HBS1L: variants seen among roughly 807,000 people sequenced by gnomAD.
HBS1L encodes the protein HBS1 like translational GTPase, also known as HBS1-like protein.
A neutral mutation model predicts 88.9 loss-of-function variants in HBS1L; 55 were observed. That is an observed-to-expected ratio of 0.62 (90% confidence interval 0.50 to 0.77). HBS1L has a LOEUF of 0.77. Ranked by LOEUF, HBS1L falls within the 30% of genes least tolerant of loss-of-function variation. The pLI is 0.00. For synonymous variants in HBS1L, 267 were observed against 288.5 expected (o/e 0.93, Z 0.76); for missense variants, 741 against 829.3 (o/e 0.89, Z 1.31).
rs1218516850 is a variant in HBS1L, at chr6:135,037,793, G to C, written c.430+1780C>G. On this transcript the variant is annotated intron_variant, in intron 4 of 17. Coordinates refer to ENST00000367837, the MANE Select transcript of HBS1L (RefSeq NM_006620.4). ...TCATGAATTAGGTTAGCTAGTGAAA[G>C]TTCTTTTGTTAACTTACATGATTCT... 4 of 1,548,446 alleles carry C rather than the reference G, an allele frequency of 2.6e-6. No individual in the cohort carries two copies. The African/African-American group carries it at 5.5e-5, about 21-fold the overall frequency.
chr6:135,052,061 A>G (rs1252746925), intron 1 of HBS1L, among the ~76,000 whole-genome samples: 5 of 152,208 alleles, frequency 3.3e-5, no homozygotes, highest in Admixed American at 2.6e-4. Flanking sequence ...CCCCATTAAT[A>G]TAATATCCAA....
intron 10 of HBS1L, among the ~76,000 whole-genome samples, 153 bp from the exon 11 acceptor site, chr6:134,986,336 G>A (rs186747095): frequency 5.3e-5 from 8 of 152,170 alleles, no homozygotes; most frequent in African/African-American, 1.7e-4. Flanking sequence ...AAAGTTATCT[G>A]ATCCAATAAT....
Position 134,982,515 on chromosome 6 carries a change from T to C in HBS1L, c.1540A>G (p.Ile514Val). The C allele has an allele frequency of 6.2e-7, 1 of 1,611,888 alleles. No individual in the cohort carries two copies. Among genetic ancestry groups the C allele is most frequent in the East Asian group, 2.2e-5 (1 of 44,800 alleles). Residue 514 changes from isoleucine to valine, a missense_variant, in exon 13 of 18, where the codon ATC (isoleucine) becomes GTC (valine). By Grantham distance (29) the Ile-to-Val change is conservative. Around this residue, in one of 3 missense-constraint regions of HBS1L, gnomAD observed 181 missense variants for 212.7 expected, o/e 0.85. Coordinates refer to ENST00000367837, the MANE Select transcript of HBS1L (RefSeq NM_006620.4). ...CITGKIEAGY[I>V]QTGDRLLAMP... ...GCCAGTAGTCGGTCACCAGTTTGGA[T>C]ATAACCAGCTTCTATTTTACCAGTT... is the stretch of plus-strand genomic sequence containing the variant.
intron 4 of HBS1L, among the ~76,000 whole-genome samples, chr6:135,027,951 G>C (rs1776281189): frequency 6.6e-6 from 1 of 152,020 alleles, no homozygotes; most frequent in Non-Finnish European, 1.5e-5. Context: ...ATTTTTGGTA[G>C]AGATGGGGTT....
At chr6:135,024,328 T>G (rs1317541697) in intron 4 of HBS1L, among the ~76,000 whole-genome samples, 1 of 150,652 alleles carries the variant, frequency 6.6e-6, no homozygotes, top group Non-Finnish European at 1.5e-5. Context: ...TAGTCCCAGC[T>G]ACTCCGGAGG....
chr6:135,046,359 CAA>C lies in HBS1L; in HGVS notation c.109+4221_109+4222del, dbSNP rs36068571. Among the ~76,000 whole-genome samples the C allele has an allele frequency of 3.8e-3, 539 of 141,794 alleles. 2 individuals carry two copies. Among genetic ancestry groups the C allele is most frequent in the African/African-American group, 0.012 (484 of 39,402 alleles). 93.0% of individuals were successfully genotyped at this position (141,794 alleles called of 152,430 possible). On this transcript the variant is annotated intron_variant, in intron 2 of 17. Coordinates refer to ENST00000367837, the MANE Select transcript of HBS1L (RefSeq NM_006620.4). ...ATGTATTAGAATAGTGTTTTTCTTA[CAA>C]AAAAAAAAAAGAATATACAATAAAG...
intron 2 of HBS1L, 40 bp from the exon 3 acceptor site, chr6:135,042,166 A>C: frequency 6.5e-7 from 1 of 1,529,908 alleles, no homozygotes. Flanking sequence ...TGGTATAGCC[A>C]TTTCCTATTA....
intron 5 of HBS1L, among the ~76,000 whole-genome samples, chr6:135,000,845 G>A (rs1420459356): frequency 1.3e-5 from 2 of 151,966 alleles, no homozygotes; most frequent in African/African-American, 4.8e-5. Flanking sequence ...ATCACACTAC[G>A]TAGAAACCTA....
intron 1 of HBS1L, among the ~76,000 whole-genome samples, chr6:135,052,703 AGTTT>A (rs569306365): frequency 6.6e-6 from 1 of 152,236 alleles, no homozygotes; most frequent in South Asian, 2.1e-4. Flanking sequence ...CAATCTTCAT[AGTTT>A]GTTTCCTCAA....
intron 4 of HBS1L, chr6:135,036,376 A>G (rs1010869500): frequency 7.0e-6 from 9 of 1,282,922 alleles, no homozygotes; most frequent in Non-Finnish European, 8.8e-6. Flanking sequence ...AAAGCCAGTT[A>G]TCACTGAAAG....
Position 135,032,600 on chromosome 6 carries a change from C to T in HBS1L, c.430+6973G>A, listed in dbSNP as rs535759835. 6.6e-5 allele frequency among the ~76,000 whole-genome samples: 10 copies of T among 152,166 alleles called. 1 individual carries two copies. Among genetic ancestry groups the T allele is most frequent in the African/African-American group, 2.4e-5 (1 of 41,522 alleles). On this transcript the variant is annotated intron_variant, in intron 4 of 17. Coordinates refer to ENST00000367837, the MANE Select transcript of HBS1L (RefSeq NM_006620.4). Reference sequence around the variant, plus strand: ...TGATACACAGTACTTTCTCAACATACAATGTATACTTGTTTATTTGCAATG... The same window carrying T: ...TGATACACAGTACTTTCTCAACATATAATGTATACTTGTTTATTTGCAATG...
At chr6:134,971,104 T>TA (rs35043222) in intron 15 of HBS1L, among the ~76,000 whole-genome samples, 70,504 of 143,214 alleles carry the variant, frequency 0.49, 16,906 homozygotes, top group South Asian at 0.57. Context: ...CTCATTCAAT[T>TA]AAAAAAAAAA....
At chr6:135,052,919 A>G (rs1777132568) in intron 1 of HBS1L, among the ~76,000 whole-genome samples, 1 of 152,238 alleles carries the variant, frequency 6.6e-6, no homozygotes, top group Non-Finnish European at 1.5e-5. Flanking sequence ...TAATGAGGTT[A>G]TATTTCTTAA....
At chr6:134,996,642 CCT>C (rs1359589861) in intron 7 of HBS1L, 133 bp downstream of exon 7, 4 of 580,560 alleles carry the variant, frequency 6.9e-6, no homozygotes, top group African/African-American at 3.9e-5. Flanking sequence ...AAAATAGTTC[CCT>C]GATATCTAAA....
chr6:134,963,260 T>A lies in HBS1L; in HGVS notation c.*2019A>T, dbSNP rs903480068. On this transcript the variant is annotated 3_prime_UTR_variant, in exon 18 of 18. Transcript: ENST00000367837. Reference sequence around the variant, plus strand: ...AAACACAGGATATCCTAGGGAAGTATTAATAAATAAAATTCAATCATAGTC... The same window carrying A: ...AAACACAGGATATCCTAGGGAAGTAATAATAAATAAAATTCAATCATAGTC... The A allele has an allele frequency of 2.6e-5, 4 of 152,170 alleles. No homozygotes were observed. The highest frequency in any genetic ancestry group is 5.9e-5 in the Non-Finnish European group (4 of 68,024). The allele number at this position is 152,170 out of a possible 1,614,324, so 9.4% of individuals were successfully genotyped here.
chr6:134,983,972 A>T (rs971258881), intron 12 of HBS1L, among the ~76,000 whole-genome samples: 2 of 152,148 alleles, frequency 1.3e-5, no homozygotes, highest in Non-Finnish European at 2.9e-5. Context: ...ACCAATGCCA[A>T]ATTCAAGTAA....
intron 12 of HBS1L, among the ~76,000 whole-genome samples, chr6:134,984,590 C>A (rs1562279914): frequency 6.6e-6 from 1 of 152,140 alleles, no homozygotes; most frequent in Non-Finnish European, 1.5e-5. Flanking sequence ...ATTTAGAGGA[C>A]AAATGACATC....
intron 15 of HBS1L, among the ~76,000 whole-genome samples, chr6:134,971,534 AG>A (rs1386954405): frequency 2.0e-5 from 3 of 152,188 alleles, no homozygotes; most frequent in Non-Finnish European, 4.4e-5. Flanking sequence ...GGATGGACAA[AG>A]GATGGGTTGT....
intron 16 of HBS1L, among the ~76,000 whole-genome samples, chr6:134,967,488 C>T (rs936267725): frequency 5.3e-5 from 8 of 152,126 alleles, no homozygotes; most frequent in African/African-American, 1.9e-4. Flanking sequence ...GAGCCTACAA[C>T]GTGCCTGAAC....
Sources: allele counts gnomAD v4.1 joint callset (sites outside exome capture counted in the v4.1 genomes callset), GRCh38; gene constraint gnomAD v4.1.1; regional missense constraint gnomAD v4.1.1; transcripts MANE v1.5; gene names NCBI Gene and HGNC (gene_info 2026-07-23, HGNC 2026-07-21).